Variants in RASGEF1C observed in about 807,000 individuals in gnomAD.
RASGEF1C encodes the protein ras-GEF domain-containing family member 1C.
RASGEF1C carries 27 observed loss-of-function variants against 58.1 expected under a neutral mutation model. That is an observed-to-expected ratio of 0.46 (90% CI 0.34 to 0.64). RASGEF1C has a LOEUF of 0.64. Among genes scored for constraint, RASGEF1C ranks in the 30% least tolerant of loss-of-function variants. The pLI, the probability that RASGEF1C is intolerant of heterozygous loss-of-function variation, is 0.01. For synonymous variants in RASGEF1C, 243 were observed against 246.3 expected (o/e 0.99, Z 0.13); for missense variants, 502 against 605.1 (o/e 0.83, Z 1.79).
chr5:180,208,298 G>A (rs1241617676), intron 1 of RASGEF1C, among the ~76,000 whole-genome samples: 2 of 152,076 alleles, frequency 1.3e-5, no homozygotes, highest in Non-Finnish European at 2.9e-5. Context: ...ATACGGGCCC[G>A]GAAGAGCTCC....
At chr5:180,136,593 TCTGG>T in intron 3 of RASGEF1C, 78 bp from the exon 4 acceptor site, 1 of 1,465,920 alleles carries the variant, frequency 6.8e-7, no homozygotes, top group South Asian at 1.4e-5. Flanking sequence ...TCCTTGCGGG[TCTGG>T]CCGCCCGGGG....
At chr5:180,125,733 G>T (rs1412188047) in intron 6 of RASGEF1C, among the ~76,000 whole-genome samples, 1 of 151,816 alleles carries the variant, frequency 6.6e-6, no homozygotes, top group African/African-American at 2.4e-5. Context: ...AATGAGCCGA[G>T]ATCGCACCAC....
intron 12 of RASGEF1C, among the ~76,000 whole-genome samples, chr5:180,102,627 C>T (rs55725746): frequency 0.027 from 4,167 of 152,094 alleles, 193 homozygotes; most frequent in African/African-American, 0.095. Context: ...CCGGATGCTC[C>T]GGCACTGTTT....
At chr5:180,201,728 C>T (rs761389775) in intron 1 of RASGEF1C, among the ~76,000 whole-genome samples, 4 of 152,176 alleles carry the variant, frequency 2.6e-5, no homozygotes, top group Admixed American at 6.5e-5. Context: ...CATTTGGGGG[C>T]GGGGGCCTTT....
At chr5:180,114,564 CG>C in intron 10 of RASGEF1C, 23 bp from the exon 11 acceptor site, 1 of 1,592,334 alleles carries the variant, frequency 6.3e-7, no homozygotes, top group Non-Finnish European at 8.6e-7. Flanking sequence ...GGGGGCAGGT[CG>C]GCCCCAGCCG....
intron 1 of RASGEF1C, among the ~76,000 whole-genome samples, chr5:180,204,647 T>TATCTC (rs1554116682): frequency 4.7e-4 from 71 of 151,982 alleles, no homozygotes; most frequent in African/African-American, 1.7e-3. Context: ...TCTATCTATC[T>TATCTC]ATCTATCTAT....
intron 12 of RASGEF1C, among the ~76,000 whole-genome samples, chr5:180,110,392 C>CCTTT (rs559607201): frequency 3.8e-5 from 5 of 132,286 alleles, no homozygotes; most frequent in Non-Finnish European, 7.8e-5. Flanking sequence ...ATCCTTCTCC[C>CCTTT]TTTTTTTTTT....
chr5:180,180,507 T>G (rs940519289), intron 1 of RASGEF1C, among the ~76,000 whole-genome samples: 1 of 152,202 alleles, frequency 6.6e-6, no homozygotes, highest in Non-Finnish European at 1.5e-5. Context: ...TGTACCTCAC[T>G]TCACAGTTTG....
intron 6 of RASGEF1C, among the ~76,000 whole-genome samples, chr5:180,123,613 G>A (rs1400164921): frequency 6.6e-6 from 1 of 151,816 alleles, no homozygotes; most frequent in African/African-American, 2.4e-5. Flanking sequence ...TATTAGAAAA[G>A]AAGGATAAAA....
At position 180,174,789 on chromosome 5, in the gene RASGEF1C, T is replaced by C. The variant is rs191819761; in HGVS notation, c.-7+34239A>G. Reference sequence around the variant, plus strand: ...ACACACGATCGTGACCGGTTCCTGCTTGACTTCACTGCGCAGCAGTTCTCT... The same window carrying C: ...ACACACGATCGTGACCGGTTCCTGCCTGACTTCACTGCGCAGCAGTTCTCT... On this transcript the variant is annotated intron_variant, in intron 1 of 13. Coordinates refer to ENST00000361132, the MANE Select transcript of RASGEF1C (RefSeq NM_175062.4). Among the ~76,000 whole-genome samples the C allele has an allele frequency of 9.2e-5, 14 of 152,280 alleles. No individual in the cohort carries two copies. The East Asian group carries it at 1.7e-3, about 19-fold the overall frequency.
At chr5:180,208,406 C>T (rs1756529019) in intron 1 of RASGEF1C, among the ~76,000 whole-genome samples, 1 of 152,170 alleles carries the variant, frequency 6.6e-6, no homozygotes, top group African/African-American at 2.4e-5. Flanking sequence ...CAAGTCCCCC[C>T]AAGCATCGCT....
chr5:180,175,859 G>C (rs997180021), intron 1 of RASGEF1C, among the ~76,000 whole-genome samples: 6 of 152,102 alleles, frequency 3.9e-5, no homozygotes, highest in African/African-American at 1.4e-4. Context: ...GCAGTGGCGG[G>C]CGCCTGTAGT....
chr5:180,141,719 C>CCT lies in RASGEF1C; in HGVS notation c.-6-3662_-6-3661insAG, dbSNP rs1561741706. Among the ~76,000 whole-genome samples the CCT allele has an allele frequency of 1.4e-5, 2 of 146,062 alleles. 1 individual carries two copies. On this transcript the variant is annotated intron_variant, in intron 1 of 13. Coordinates refer to ENST00000361132, the MANE Select transcript of RASGEF1C (RefSeq NM_175062.4). The stretch of plus-strand genomic sequence containing the variant: ...TTTATGTTATGTGTATTTTATCACA[C>CCT]TTTTTTTTTTTTTTTTTTAAACAGA...
At position 180,158,121 on chromosome 5, in the gene RASGEF1C, AAAAT is replaced by A. The variant is rs1340581871; in HGVS notation, c.-6-20067_-6-20064del. ...CGCTGCGAACCTAAAACTGCTCTAA[AAAAT>A]AAAGCCCATTTTTTTAAAAGATGGC... On this transcript the variant is annotated intron_variant, in intron 1 of 13. Transcript: ENST00000361132. The surrounding 1 kb of genome is among the most constrained non-coding windows in gnomAD (Gnocchi z 4.0). 6.6e-6 allele frequency among the ~76,000 whole-genome samples: 1 copy of A among 152,156 alleles called. No individual in the cohort carries two copies. Among genetic ancestry groups the A allele is most frequent in the Non-Finnish European group, 1.5e-5 (1 of 68,026 alleles).
At chr5:180,117,896 A>G (rs1766095395) in intron 10 of RASGEF1C, among the ~76,000 whole-genome samples, 1 of 151,346 alleles carries the variant, frequency 6.6e-6, no homozygotes, top group African/African-American at 2.4e-5. Flanking sequence ...TGGGAGGCTG[A>G]GGCAGGAAAA....
At chr5:180,167,619 G>A (rs1767042271) in intron 1 of RASGEF1C, among the ~76,000 whole-genome samples, 1 of 152,062 alleles carries the variant, frequency 6.6e-6, no homozygotes, top group African/African-American at 2.4e-5. Flanking sequence ...CTTTCCATGT[G>A]TTTCAAGAAC....
chr5:180,185,300 AG>A (rs1756014756), intron 1 of RASGEF1C, among the ~76,000 whole-genome samples: 1 of 133,088 alleles, frequency 7.5e-6, no homozygotes, highest in Non-Finnish European at 1.6e-5. Context: ...AAAAAAAAAA[AG>A]AGGCCAGTTA....
chr5:180,176,244 C>T (rs1767223664), intron 1 of RASGEF1C, among the ~76,000 whole-genome samples: 2 of 152,216 alleles, frequency 1.3e-5, no homozygotes, highest in Non-Finnish European at 2.9e-5. Context: ...GCAGGGGCCC[C>T]AGCCCCAGGC....
chr5:180,204,016 A>ACAT (rs1756448305), intron 1 of RASGEF1C, among the ~76,000 whole-genome samples: 2 of 150,686 alleles, frequency 1.3e-5, no homozygotes, highest in African/African-American at 4.9e-5. Flanking sequence ...ACAAACAACA[A>ACAT]CAACAACAAC....
Sources: allele counts gnomAD v4.1 joint callset (sites outside exome capture counted in the v4.1 genomes callset), GRCh38; gene constraint gnomAD v4.1.1; non-coding constraint Gnocchi (gnomAD v3.1); transcripts MANE v1.5; gene names NCBI Gene and HGNC (gene_info 2026-07-23, HGNC 2026-07-21).